The following PCDHGA8 variants were observed in gnomAD, a reference collection of about 807,000 sequenced individuals.
PCDHGA8 encodes protocadherin gamma subfamily A, 8.
In PCDHGA8, 45 loss-of-function variants were observed where a neutral mutation model predicts 59.2. The ratio of observed to expected loss-of-function variants is 0.76; its 90% CI spans 0.60 to 0.98. The LOEUF (loss-of-function observed/expected upper bound fraction) is 0.98. PCDHGA8 is among the 50% of genes least tolerant of loss of function. The probability of loss-of-function intolerance (pLI) is 0.00; values close to 1 mark genes in which losing one functional copy is unlikely to be tolerated. For synonymous variants in PCDHGA8, 531 were observed against 519.0 expected, an observed-to-expected ratio of 1.02 and a Z score of -0.32; for missense variants, 1,257 against 1,196.2, an observed-to-expected ratio of 1.05 and a Z score of -0.75.
chr5:141,399,950 G>A lies in PCDHGA8; in HGVS notation c.2424+4713G>A, dbSNP rs566695854. On this transcript the variant is annotated intron_variant, in intron 1 of 3. Coordinates refer to ENST00000398604, the MANE Select transcript of PCDHGA8 (RefSeq NM_032088.2). ...CTGTCCTACCACGTGCTGCAGGCTA[G>A]CGAGCCCGGGCTCTTCAGCCTGGGG... The A allele has an allele frequency of 4.3e-6, 7 of 1,612,178 alleles. No individual in the cohort carries two copies. The African/African-American group carries it at 6.7e-5, about 15-fold the overall frequency.
intron 1 of PCDHGA8, among the ~76,000 whole-genome samples, chr5:141,460,763 T>A (rs904048213): frequency 4.6e-5 from 7 of 152,170 alleles, no homozygotes; most frequent in Admixed American, 1.3e-4. Context: ...ATATACATAT[T>A]GCATATGTAT....
intron 1 of PCDHGA8, chr5:141,400,747 G>A: frequency 1.7e-6 from 1 of 602,780 alleles, no homozygotes; most frequent in Non-Finnish European, 2.9e-6. Flanking sequence ...TTTGCTCTTA[G>A]CTTCCTCTCT....
Position 141,489,806 on chromosome 5 carries a change from A to G in PCDHGA8, c.2425-5001A>G. 1 of 1,614,198 alleles carries G rather than the reference A, an allele frequency of 6.2e-7. No homozygotes were observed. Among genetic ancestry groups the G allele is most frequent in the South Asian group, 1.1e-5 (1 of 91,082 alleles). Reference sequence around the variant, plus strand: ...AATGTGAAGACCCTAAAAGATGGGAAGCCATTCCCAGAGCTGGTGCTAGAG... The same window carrying G: ...AATGTGAAGACCCTAAAAGATGGGAGGCCATTCCCAGAGCTGGTGCTAGAG... On this transcript the variant is annotated intron_variant, in intron 1 of 3. Coordinates refer to ENST00000398604, the MANE Select transcript of PCDHGA8 (RefSeq NM_032088.2). The surrounding 1 kb of genome is among the most constrained non-coding windows in gnomAD (Gnocchi z 4.5).
chr5:141,487,880 G>T lies in PCDHGA8; in HGVS notation c.2425-6927G>T, dbSNP rs1008153773. ...ATTGGTGATCAAGAGCCAGGCTGTTGTGGAAGCATGATGATGGAATGTGGG... is the reference window on the plus strand; with the variant it reads ...ATTGGTGATCAAGAGCCAGGCTGTTTTGGAAGCATGATGATGGAATGTGGG... On this transcript the variant is annotated intron_variant, in intron 1 of 3. Transcript: ENST00000398604. The surrounding 1 kb of genome is among the most constrained non-coding windows in gnomAD (Gnocchi z 5.0). The T allele has an allele frequency of 3.8e-6, 3 of 784,896 alleles. No individual in the cohort carries two copies. Among genetic ancestry groups the T allele is most frequent in the Non-Finnish European group, 6.0e-6 (3 of 497,074 alleles). 48.6% of individuals were successfully genotyped at this position (784,896 alleles called of 1,614,324 possible).
intron 1 of PCDHGA8, among the ~76,000 whole-genome samples, chr5:141,447,631 A>G (rs59518107): frequency 0.11 from 16,809 of 152,214 alleles, 1,093 homozygotes; most frequent in African/African-American, 0.17. Flanking sequence ...AACCAACAGT[A>G]TGAATGATGG....
rs1562157859 is a variant in PCDHGA8 at position 141,493,022 on chromosome 5, G to GTGCC, written c.2425-1784_2425-1781dup. Among the ~76,000 whole-genome samples, 2 of 152,222 alleles carry GTGCC rather than the reference G, an allele frequency of 1.3e-5. No homozygotes were observed. Among genetic ancestry groups the GTGCC allele is most frequent in the African/African-American group, 4.8e-5 (2 of 41,454 alleles). ...GCTATAGGCTCTGCCAGATGCCAGG[G>GTGCC]TGCCCTTATGTGTGAGGAAACTACA... On this transcript the variant is annotated intron_variant, in intron 1 of 3. Coordinates refer to ENST00000398604, the MANE Select transcript of PCDHGA8 (RefSeq NM_032088.2). The surrounding 1 kb of genome is among the most constrained non-coding windows in gnomAD (Gnocchi z 4.3).
intron 2 of PCDHGA8, among the ~76,000 whole-genome samples, chr5:141,503,598 C>CA (rs765754054): frequency 0.15 from 9,705 of 65,252 alleles, 922 homozygotes; most frequent in African/African-American, 0.34. Context: ...GACTCCAGCT[C>CA]AAAAAAAAAA....
chr5:141,495,818 GTTC>G (rs2099764072), intron 2 of PCDHGA8, among the ~76,000 whole-genome samples: 1 of 151,904 alleles, frequency 6.6e-6, no homozygotes, highest in South Asian at 2.1e-4. Context: ...AGCGCCTTGT[GTTC>G]TTCTATCCCC....
chr5:141,412,215 C>T (rs1265657058), intron 1 of PCDHGA8: 1 of 152,240 alleles, frequency 6.6e-6, no homozygotes, highest in Non-Finnish European at 1.5e-5. Flanking sequence ...GACATAAACA[C>T]TTACTTGTTA....
chr5:141,508,627 C>T (rs566012494), intron 3 of PCDHGA8, among the ~76,000 whole-genome samples: 1 of 152,262 alleles, frequency 6.6e-6, no homozygotes, highest in South Asian at 2.1e-4. Flanking sequence ...GTGGGCCGAG[C>T]TTCTAGCTAC....
In PCDHGA8 at chr5:141,393,736, A is replaced by G; in HGVS notation, c.923A>G (p.Asp308Gly). The G allele has an allele frequency of 6.2e-7, 1 of 1,613,892 alleles. No homozygotes were observed. Among genetic ancestry groups the G allele is most frequent in the Non-Finnish European group, 8.5e-7 (1 of 1,179,874 alleles). ...TGEISIAKSL[D>G]YEECSFYEME... ...GAAATATCAATAGCAAAAAGTCTAG[A>G]TTATGAAGAATGTTCATTTTATGAA... Residue 308 changes from aspartate to glycine, a missense_variant, in exon 1 of 4, where the codon GAT becomes GGT. By Grantham distance (94) the Asp-to-Gly change is moderately conservative. Coordinates refer to ENST00000398604, the MANE Select transcript of PCDHGA8 (RefSeq NM_032088.2).
chr5:141,501,970 T>C (rs2099812082), intron 2 of PCDHGA8, among the ~76,000 whole-genome samples: 1 of 152,068 alleles, frequency 6.6e-6, no homozygotes. Flanking sequence ...TCCTAACCTC[T>C]GGCATCTGGT....
chr5:141,452,172 T>G (rs1338447268), intron 1 of PCDHGA8, among the ~76,000 whole-genome samples: 1 of 152,206 alleles, frequency 6.6e-6, no homozygotes, highest in Non-Finnish European at 1.5e-5. Flanking sequence ...TTACTAACAT[T>G]TTTTATTTTG....
chr5:141,399,602 T>G, intron 1 of PCDHGA8: 1 of 1,613,956 alleles, frequency 6.2e-7, no homozygotes, highest in South Asian at 1.1e-5. Context: ...GCCAGCGACC[T>G]AGAGCCTCTG....
intron 1 of PCDHGA8, chr5:141,403,515 G>A: frequency 6.2e-7 from 1 of 1,614,024 alleles, no homozygotes; most frequent in Non-Finnish European, 8.5e-7. Context: ...GGAGACAATG[G>A]AGCCATAAAC....
intron 1 of PCDHGA8, chr5:141,405,058 T>C (rs1174407561): frequency 1.2e-6 from 2 of 1,613,912 alleles, no homozygotes; most frequent in East Asian, 2.2e-5. Flanking sequence ...TCGTCTCCTG[T>C]GTCTTCCTCA....
In PCDHGA8 at chr5:141,398,901, C is replaced by CACCA. The variant is rs763382637; in HGVS notation, c.2424+3665_2424+3668dup. ...GCCTTCGGGAAAACGTGCCACCAGG[C>CACCA]ACCACTGTGTTGCAAGTGTCAGCCA... On this transcript the variant is annotated intron_variant, in intron 1 of 3. Coordinates refer to ENST00000398604, the MANE Select transcript of PCDHGA8 (RefSeq NM_032088.2). 3.7e-6 allele frequency: 6 copies of CACCA among 1,613,954 alleles called. No homozygotes were observed. The South Asian group carries it at 6.6e-5, about 18-fold the overall frequency.
At chr5:141,430,642 A>C in intron 1 of PCDHGA8, 2 of 918,498 alleles carry the variant, frequency 2.2e-6, no homozygotes, top group South Asian at 5.1e-5. Flanking sequence ...CCCTGGGAGT[A>C]TGTGGAAACA....
intron 2 of PCDHGA8, among the ~76,000 whole-genome samples, chr5:141,502,827 A>G (rs1003204508): frequency 2.7e-5 from 4 of 150,478 alleles, no homozygotes; most frequent in African/African-American, 9.8e-5. Flanking sequence ...TCCTTGGGGA[A>G]GCCTGGACTG....
Sources: allele counts gnomAD v4.1 joint callset (sites outside exome capture counted in the v4.1 genomes callset), GRCh38; gene constraint gnomAD v4.1.1; non-coding constraint Gnocchi (gnomAD v3.1); transcripts MANE v1.5; gene names NCBI Gene and HGNC (gene_info 2026-07-23, HGNC 2026-07-21).